Variants in HECW1 observed in about 807,000 individuals in gnomAD.
The protein encoded by HECW1 is E3 ubiquitin-protein ligase HECW1.
In HECW1, 61 loss-of-function variants were observed where a neutral mutation model predicts 182.3. That is an observed-to-expected ratio of 0.33 (90% CI 0.27 to 0.41). The LOEUF is 0.41. Ranked by LOEUF, HECW1 falls within the 10% of genes least tolerant of loss-of-function variation. The pLI is 1.00. For missense variants in HECW1, 1,739 were observed against 2,108.9 expected (o/e 0.82, Z 3.44); for synonymous variants, 859 against 832.6 (o/e 1.03, Z -0.55).
intron 3 of HECW1, among the ~76,000 whole-genome samples, chr7:43,257,521 C>G (rs1182768079): frequency 6.6e-6 from 1 of 152,074 alleles, no homozygotes; most frequent in Admixed American, 6.6e-5. Context: ...GATTCCCACT[C>G]TGATGGAGGG....
At chr7:43,480,618 TGTGTGC>T (rs1403608389) in intron 17 of HECW1, among the ~76,000 whole-genome samples, 2 of 151,774 alleles carry the variant, frequency 1.3e-5, no homozygotes, top group Non-Finnish European at 2.9e-5. Context: ...AGTTTGTGTG[TGTGTGC>T]GTGTGTGTGT....
intron 16 of HECW1, among the ~76,000 whole-genome samples, chr7:43,471,611 A>G (rs1424511942): frequency 6.6e-6 from 1 of 152,194 alleles, no homozygotes; most frequent in Non-Finnish European, 1.5e-5. Context: ...CTCATCTGCC[A>G]TCTTCAGAGT....
intron 2 of HECW1, among the ~76,000 whole-genome samples, chr7:43,139,021 A>AT (rs1235571328): frequency 6.6e-6 from 1 of 152,128 alleles, no homozygotes; most frequent in African/African-American, 2.4e-5. Context: ...AACATTTAGT[A>AT]TTTTAGCATT....
intron 13 of HECW1, among the ~76,000 whole-genome samples, chr7:43,459,406 A>G (rs2077506912): frequency 6.6e-6 from 1 of 152,254 alleles, no homozygotes; most frequent in South Asian, 2.1e-4. Flanking sequence ...AGCAGAAAAT[A>G]TAAATATGTA....
At chr7:43,213,910 G>A (rs976668060) in intron 2 of HECW1, among the ~76,000 whole-genome samples, 1 of 152,000 alleles carries the variant, frequency 6.6e-6, no homozygotes. Flanking sequence ...AAAACAAAAG[G>A]TATAAAGTTT....
Position 43,561,857 on chromosome 7 carries a change from C to T in HECW1, c.4752C>T (p.Pro1584=), listed in dbSNP as rs1183678736. The T allele has an allele frequency of 3.1e-6, 5 of 1,614,078 alleles. No homozygotes were observed. Among genetic ancestry groups the T allele is most frequent in the Non-Finnish European group, 4.2e-6 (5 of 1,179,932 alleles). The change falls in exon 30 of 30, where the codon CCC becomes CCT. Residue 1584 remains proline (P), a synonymous_variant. Coordinates refer to ENST00000395891, the MANE Select transcript of HECW1 (RefSeq NM_015052.5). ...ACCGACTGGATCTTCCACCGTATCC[C>T]TCGTACTCCATGTTGTATGAAAAGC... is the stretch of plus-strand genomic sequence containing the variant. ...CFNRLDLPPY[P]SYSMLYEKLL...
At chr7:43,146,601 A>G (rs1015146610) in intron 2 of HECW1, among the ~76,000 whole-genome samples, 2 of 152,246 alleles carry the variant, frequency 1.3e-5, no homozygotes, top group Non-Finnish European at 2.9e-5. Context: ...TACTGTAACA[A>G]TTCTGAACCA....
chr7:43,277,053 G>T (rs1803246067), intron 3 of HECW1, among the ~76,000 whole-genome samples: 1 of 152,224 alleles, frequency 6.6e-6, no homozygotes, highest in South Asian at 2.1e-4. Flanking sequence ...AGGGCTCTTT[G>T]GTCTCCTCCT....
At chr7:43,503,198 T>A (rs1257475391) in intron 21 of HECW1, among the ~76,000 whole-genome samples, 4 of 152,146 alleles carry the variant, frequency 2.6e-5, no homozygotes, top group East Asian at 1.9e-4. Flanking sequence ...CATAATTAAA[T>A]CCCATTGCCT....
chr7:43,548,163 A>G (rs1235589653), intron 26 of HECW1, among the ~76,000 whole-genome samples: 2 of 152,182 alleles, frequency 1.3e-5, no homozygotes, highest in African/African-American at 4.8e-5. Context: ...TTTTAATAAT[A>G]GATTTGTGTA....
intron 6 of HECW1, among the ~76,000 whole-genome samples, chr7:43,367,688 T>C (rs186345476): frequency 6.6e-6 from 1 of 152,328 alleles, no homozygotes; most frequent in East Asian, 1.9e-4. Context: ...ATGACCTTTT[T>C]AAGGGGTTAT....
chr7:43,353,267 G>C (rs990274611), intron 5 of HECW1, among the ~76,000 whole-genome samples: 1 of 152,046 alleles, frequency 6.6e-6, no homozygotes, highest in East Asian at 1.9e-4. Context: ...TTTTCAGCTA[G>C]AATGGGAAAT....
chr7:43,411,719 T>C (rs1445026427), intron 8 of HECW1, among the ~76,000 whole-genome samples: 1 of 152,232 alleles, frequency 6.6e-6, no homozygotes. Flanking sequence ...AAAATATTTT[T>C]CTTTATTTTT....
At chr7:43,113,425 G>T (rs573401392) in intron 1 of HECW1, among the ~76,000 whole-genome samples, 1 of 152,170 alleles carries the variant, frequency 6.6e-6, no homozygotes, top group Non-Finnish European at 1.5e-5. Context: ...CCCAGAGAGC[G>T]CCCAGAGCCT....
intron 24 of HECW1, among the ~76,000 whole-genome samples, chr7:43,527,145 C>T (rs12539311): frequency 7.8e-4 from 119 of 152,284 alleles, no homozygotes; most frequent in Admixed American, 1.7e-3. Flanking sequence ...TCCCTTCTTG[C>T]GTGAAATTAA....
chr7:43,205,324 C>T (rs999026584), intron 2 of HECW1, among the ~76,000 whole-genome samples: 11 of 152,254 alleles, frequency 7.2e-5, no homozygotes, highest in African/African-American at 1.9e-4. Flanking sequence ...ACGTCATGAT[C>T]GGCCCGCCTT....
At chr7:43,310,590 G>A (rs6463180) in intron 3 of HECW1, among the ~76,000 whole-genome samples, 66,586 of 152,000 alleles carry the variant, frequency 0.44, 17,786 homozygotes, top group African/African-American at 0.76. Flanking sequence ...GAATGCCAAC[G>A]CTGTGCTTTC....
At chr7:43,124,760 G>T (rs977895103) in intron 2 of HECW1, among the ~76,000 whole-genome samples, 2 of 152,086 alleles carry the variant, frequency 1.3e-5, no homozygotes, top group African/African-American at 4.8e-5. Flanking sequence ...TAACAGTATT[G>T]CTAGTTCTTC....
intron 8 of HECW1, among the ~76,000 whole-genome samples, chr7:43,429,288 G>GTA: frequency 1.2e-5 from 1 of 85,336 alleles, no homozygotes; most frequent in Non-Finnish European, 2.4e-5. Flanking sequence ...TATATTATAT[G>GTA]CATATATATA....
Sources: allele counts gnomAD v4.1 joint callset (sites outside exome capture counted in the v4.1 genomes callset), GRCh38; gene constraint gnomAD v4.1.1; transcripts MANE v1.5; gene names NCBI Gene and HGNC (gene_info 2026-07-23, HGNC 2026-07-21).